Variants in ZFHX3 observed in about 807,000 individuals in gnomAD.
ZFHX3 encodes the protein zinc finger homeobox protein 3.
A neutral mutation model predicts 279.1 loss-of-function variants in ZFHX3; 42 were observed. The ratio of observed to expected loss-of-function variants is 0.15; its 90% CI spans 0.12 to 0.19. ZFHX3 has a LOEUF of 0.19. ZFHX3 is among the 10% of genes least tolerant of loss of function. The probability of loss-of-function intolerance (pLI) is 1.00; values close to 1 mark genes in which losing one functional copy is unlikely to be tolerated. For missense variants in ZFHX3, 4,981 were observed against 4,754.0 expected (o/e 1.05, Z -1.40); for synonymous variants, 2,293 against 1,957.8 (o/e 1.17, Z -4.52).
intron 1 of ZFHX3, among the ~76,000 whole-genome samples, chr16:72,961,367 G>T (rs1025756245): frequency 6.6e-6 from 1 of 152,216 alleles, no homozygotes; most frequent in African/African-American, 2.4e-5. Flanking sequence ...GGGGAGGGAG[G>T]CATCGGATCA....
intron 2 of ZFHX3, among the ~76,000 whole-genome samples, chr16:73,613,709 C>T (rs1471536): frequency 0.93 from 142,099 of 152,268 alleles, 66,666 homozygotes; most frequent in East Asian, 0.99. Context: ...CTGGAGGGTC[C>T]ATTCTATGGA....
intron 5 of ZFHX3, among the ~76,000 whole-genome samples, chr16:72,820,210 TG>T: frequency 6.6e-6 from 1 of 152,176 alleles, no homozygotes; most frequent in Non-Finnish European, 1.5e-5. Flanking sequence ...CAAGGTGGGA[TG>T]GTGGGCACAC....
chr16:73,523,603 G>A (rs1282709388), intron 2 of ZFHX3, among the ~76,000 whole-genome samples: 1 of 146,662 alleles, frequency 6.8e-6, no homozygotes, highest in Admixed American at 7.0e-5. Flanking sequence ...GGGGTAGGGG[G>A]CAGGGAATGG....
At chr16:73,285,302 A>G (rs1011618774) in intron 4 of ZFHX3, among the ~76,000 whole-genome samples, 2 of 152,232 alleles carry the variant, frequency 1.3e-5, no homozygotes, top group Non-Finnish European at 2.9e-5. Context: ...CGAAGAGATT[A>G]AGGGATCGGT....
At chr16:73,196,046 G>A (rs1259965997) in intron 5 of ZFHX3, among the ~76,000 whole-genome samples, 1 of 151,898 alleles carries the variant, frequency 6.6e-6, no homozygotes, top group Non-Finnish European at 1.5e-5. Flanking sequence ...AAGAGAATGT[G>A]TAAAACACCA....
intron 1 of ZFHX3, among the ~76,000 whole-genome samples, chr16:73,782,724 C>T (rs947653902): frequency 6.6e-6 from 1 of 152,108 alleles, no homozygotes; most frequent in Non-Finnish European, 1.5e-5. Flanking sequence ...CTGGTTCTGC[C>T]CTTGTCTGCA....
intron 4 of ZFHX3, among the ~76,000 whole-genome samples, chr16:72,877,287 G>C (rs1291441191): frequency 6.6e-6 from 1 of 152,204 alleles, no homozygotes; most frequent in African/African-American, 2.4e-5. Flanking sequence ...TCAAGAATCG[G>C]ATAATGACCT....
intron 4 of ZFHX3, among the ~76,000 whole-genome samples, chr16:72,885,110 G>A (rs1461300612): frequency 6.6e-6 from 1 of 152,250 alleles, no homozygotes; most frequent in African/African-American, 2.4e-5. Flanking sequence ...TTGTGTGCTT[G>A]TGTCTATTGT....
intron 1 of ZFHX3, among the ~76,000 whole-genome samples, chr16:73,732,213 G>A (rs2053575072): frequency 6.6e-6 from 1 of 152,108 alleles, no homozygotes; most frequent in African/African-American, 2.4e-5. Flanking sequence ...AAGGAAGGTT[G>A]ACTCCGAATT....
At position 72,957,743 on chromosome 16, in the gene ZFHX3, T is replaced by C; in HGVS notation, c.2403A>G (p.Lys801=). ...CACACACCTCGCACCGCCAGGTGGGTTTGGTTTTTGGTTTGGTCGGCGAGG... is the reference window on the plus strand; with the variant it reads ...CACACACCTCGCACCGCCAGGTGGGCTTGGTTTTTGGTTTGGTCGGCGAGG... The part of the protein sequence containing the change: ...GAPSPTKPKT[K]PTWRCEVCDY... The change falls in exon 2 of 10, where the codon AAA becomes AAG. Residue 801 remains lysine (K), a synonymous_variant. Coordinates refer to ENST00000268489, the MANE Select transcript of ZFHX3 (RefSeq NM_006885.4). 3 of 1,613,740 alleles carry C rather than the reference T, an allele frequency of 1.9e-6. No homozygotes were observed. The highest frequency in any genetic ancestry group is 2.5e-6 in the Non-Finnish European group (3 of 1,179,936).
intron 4 of ZFHX3, among the ~76,000 whole-genome samples, chr16:72,837,292 G>A (rs1036790266): frequency 6.6e-6 from 1 of 152,134 alleles, no homozygotes; most frequent in Admixed American, 6.5e-5. Context: ...TCCCACCCTG[G>A]TGGCTTACCA....
rs78958237 is a variant in ZFHX3, at chr16:73,425,840, T to C, written c.-1291+30163A>G. Among the ~76,000 whole-genome samples the C allele has an allele frequency of 8.5e-3, 1,301 of 152,182 alleles. 18 individuals are homozygous for C. Among genetic ancestry groups the C allele is most frequent in the African/African-American group, 0.03 (1,249 of 41,498 alleles). ...AGATGGGTCTAATCTATCAAACCAC[T>C]ACCAGATTAAGGGACCATATCTTGT... On this transcript the variant is annotated intron_variant, in intron 3 of 17. Coordinates refer to the ZFHX3 transcript ENST00000641206.
chr16:73,049,774 G>A (rs1965415740), upstream of ZFHX3, among the ~76,000 whole-genome samples: 1 of 152,132 alleles, frequency 6.6e-6, no homozygotes, highest in Non-Finnish European at 1.5e-5. Context: ...ACCAGACTAT[G>A]GTCACTGCAG....
chr16:73,122,531 T>G (rs1230035220), intron 7 of ZFHX3, among the ~76,000 whole-genome samples: 1 of 152,088 alleles, frequency 6.6e-6, no homozygotes, highest in Non-Finnish European at 1.5e-5. Context: ...TTAGGATTTG[T>G]TTTCTGTCTT....
chr16:73,664,112 G>A (rs1456783014), intron 2 of ZFHX3, among the ~76,000 whole-genome samples: 1 of 152,254 alleles, frequency 6.6e-6, no homozygotes, highest in Admixed American at 6.5e-5. Context: ...GGAAAGAAGT[G>A]TGAGAAAAAG....
intron 3 of ZFHX3, among the ~76,000 whole-genome samples, chr16:73,404,358 A>T (rs1290279495): frequency 6.6e-6 from 1 of 152,222 alleles, no homozygotes; most frequent in Non-Finnish European, 1.5e-5. Flanking sequence ...AAGACATGAA[A>T]GTGACCATCT....
At chr16:73,861,101 C>T (rs1055910213) in intron 1 of ZFHX3, among the ~76,000 whole-genome samples, 7 of 151,496 alleles carry the variant, frequency 4.6e-5, no homozygotes, top group African/African-American at 1.7e-4. Flanking sequence ...GTAGCTGAGA[C>T]TACAGGCAAG....
intron 1 of ZFHX3, among the ~76,000 whole-genome samples, chr16:73,008,005 T>C (rs948343983): frequency 6.6e-6 from 1 of 152,214 alleles, no homozygotes; most frequent in Non-Finnish European, 1.5e-5. Context: ...ATGATAGTGA[T>C]TTGGTCTACT....
chr16:73,487,196 G>C (rs2018991037), intron 2 of ZFHX3, among the ~76,000 whole-genome samples: 2 of 152,230 alleles, frequency 1.3e-5, no homozygotes, highest in South Asian at 4.1e-4. Flanking sequence ...GGATTCCCGA[G>C]TGGAGGTTCA....
Sources: gnomAD v4.1 joint callset for allele counts (sites outside exome capture counted in the v4.1 genomes callset) on GRCh38, gnomAD v4.1.1 for gene constraint, MANE v1.5 for transcripts, NCBI Gene and HGNC (gene_info 2026-07-23, HGNC 2026-07-21) for gene names.